OSBPL1A: variants seen among roughly 807,000 people sequenced by gnomAD.
The protein encoded by OSBPL1A is oxysterol binding protein like 1A.
OSBPL1A carries 80 observed loss-of-function variants against 137.1 expected under a neutral mutation model. The ratio of observed to expected loss-of-function variants is 0.58; its 90% CI spans 0.49 to 0.70. The LOEUF (loss-of-function observed/expected upper bound fraction) is 0.70, where lower values mean the gene tolerates loss of function less well. OSBPL1A is among the 30% of genes least tolerant of loss of function. The pLI, the probability that OSBPL1A is intolerant of heterozygous loss-of-function variation, is 0.00. For synonymous variants in OSBPL1A, 365 were observed against 389.7 expected (o/e 0.94, Z 0.75); for missense variants, 970 against 1,129.4 (o/e 0.86, Z 2.02).
intron 2 of OSBPL1A, among the ~76,000 whole-genome samples, chr18:24,368,995 G>C (rs1905395557): frequency 6.6e-6 from 1 of 152,194 alleles, no homozygotes; most frequent in South Asian, 2.1e-4. Flanking sequence ...CTCTGAAAGT[G>C]TGTGGTTGTT....
chr18:24,225,266 C>T, intron 16 of OSBPL1A, 68 bp from the exon 17 acceptor site: 1 of 1,554,678 alleles, frequency 6.4e-7, no homozygotes, highest in African/African-American at 1.4e-5. Context: ...CAATGGATCC[C>T]TCCCTTCATG....
chr18:24,235,512 A>G (rs1383891258), intron 16 of OSBPL1A, among the ~76,000 whole-genome samples: 1 of 152,126 alleles, frequency 6.6e-6, no homozygotes, highest in African/African-American at 2.4e-5. Flanking sequence ...TGAATTCAAG[A>G]TATGATTTGA....
intron 17 of OSBPL1A, among the ~76,000 whole-genome samples, chr18:24,199,157 C>T (rs748839521): frequency 4.6e-5 from 7 of 152,226 alleles, no homozygotes; most frequent in South Asian, 2.1e-4. Flanking sequence ...CCACACCTGG[C>T]CCAGGTGCCA....
intron 18 of OSBPL1A, among the ~76,000 whole-genome samples, chr18:24,187,988 G>C (rs2086793999): frequency 6.6e-6 from 1 of 152,204 alleles, no homozygotes; most frequent in Non-Finnish European, 1.5e-5. Context: ...GTACACAACA[G>C]CAGGGTGGGA....
At chr18:24,280,778 C>T (rs2089940194) in intron 15 of OSBPL1A, 64 bp downstream of exon 15, 5 of 1,143,500 alleles carry the variant, frequency 4.4e-6, no homozygotes, top group Admixed American at 5.5e-5. Flanking sequence ...GCAATGACTT[C>T]ATGGACAACC....
chr18:24,295,489 G>A (rs1000236683), intron 14 of OSBPL1A, among the ~76,000 whole-genome samples: 1 of 152,164 alleles, frequency 6.6e-6, no homozygotes, highest in African/African-American at 2.4e-5. Context: ...CTAGGCCAAT[G>A]TCCAGAAGAG....
intron 15 of OSBPL1A, among the ~76,000 whole-genome samples, chr18:24,260,532 G>A (rs1362260280): frequency 6.6e-6 from 1 of 152,172 alleles, no homozygotes; most frequent in Non-Finnish European, 1.5e-5. Flanking sequence ...TAGGCTAAGG[G>A]AGAAAGCCAG....
chr18:24,280,956 G>GA lies in OSBPL1A; in HGVS notation c.1175-9dup. The GA allele has an allele frequency of 1.9e-6, 3 of 1,564,978 alleles. No homozygotes were observed. Among genetic ancestry groups the GA allele is most frequent in the Non-Finnish European group, 1.7e-6 (2 of 1,154,504 alleles). ...GAAATGATGGAAGCATTTCTATAAA[G>GA]AAAAAAATAAATACAGTGAGTCGGA... On this transcript the variant is annotated splice_polypyrimidine_tract_variant and intron_variant, in intron 14 of 27. Transcript: ENST00000319481.
At chr18:24,209,159 A>G (rs909751269) in intron 17 of OSBPL1A, among the ~76,000 whole-genome samples, 1 of 152,254 alleles carries the variant, frequency 6.6e-6, no homozygotes, top group African/African-American at 2.4e-5. Context: ...CTACCAACTA[A>G]GAGAAAATAC....
chr18:24,190,989 AT>A (rs1202897971), intron 18 of OSBPL1A, among the ~76,000 whole-genome samples: 1 of 152,246 alleles, frequency 6.6e-6, no homozygotes, highest in Non-Finnish European at 1.5e-5. Context: ...AGATAAAAGC[AT>A]TTTATCAAAA....
rs1730126352 is a variant in OSBPL1A, at chr18:24,371,758, C to A, written c.122-3386G>T. Among the ~76,000 whole-genome samples the A allele has an allele frequency of 2.0e-5, 3 of 152,142 alleles. No individual in the cohort carries two copies. In the South Asian group the frequency reaches 6.2e-4, roughly 31 times the overall value. ...CACCCATTGCAGATGAGGCTCATCTCCCACCAGGTCATGAACACTATCTTC... is the reference window on the plus strand; with the variant it reads ...CACCCATTGCAGATGAGGCTCATCTACCACCAGGTCATGAACACTATCTTC... On this transcript the variant is annotated intron_variant, in intron 2 of 27. Coordinates refer to ENST00000319481, the MANE Select transcript of OSBPL1A (RefSeq NM_080597.4).
chr18:24,343,937 AG>A lies in OSBPL1A; in HGVS notation c.283-2280del, dbSNP rs1305513817. On this transcript the variant is annotated intron_variant, in intron 4 of 27. Coordinates refer to ENST00000319481, the MANE Select transcript of OSBPL1A (RefSeq NM_080597.4). ...TTCTTGGATATGACACCAAAAGCAC[AG>A]GCAAAAAATGAAAAACTTCATCAAA... Among the ~76,000 whole-genome samples, 7 of 152,202 alleles carry A rather than the reference AG, an allele frequency of 4.6e-5. No individual in the cohort carries two copies. The East Asian group carries it at 9.6e-4, about 21-fold the overall frequency.
intron 2 of OSBPL1A, among the ~76,000 whole-genome samples, chr18:24,370,460 GTC>G (rs1432182099): frequency 1.3e-5 from 2 of 152,082 alleles, no homozygotes; most frequent in African/African-American, 4.8e-5. Flanking sequence ...CAGCACCCTG[GTC>G]TCTCACTTTC....
At chr18:24,331,417 GAC>G (rs2091075128) in intron 7 of OSBPL1A, among the ~76,000 whole-genome samples, 1 of 123,744 alleles carries the variant, frequency 8.1e-6, no homozygotes, top group Non-Finnish European at 1.7e-5. Context: ...TTTTTTTTGA[GAC>G]AGAGTCTCGC....
At position 24,388,800 on chromosome 18, in the gene OSBPL1A, C is replaced by CAAA. The variant is rs57143270; in HGVS notation, c.-3+8852_-3+8854dup. On this transcript the variant is annotated intron_variant, in intron 1 of 27. Transcript: ENST00000319481. The stretch of plus-strand genomic sequence containing the variant: ...GGGCGACAAGAGTGAGACTCTGTCT[C>CAAA]AAAAAAAAAAAAAAAAAAAAACCAA... Among the ~76,000 whole-genome samples, 160 of 82,788 alleles carry CAAA rather than the reference C, an allele frequency of 1.9e-3. 2 individuals carry two copies. The East Asian group carries it at 0.038, about 19-fold the overall frequency. The allele number at this position is 82,788 out of a possible 152,430, so 54.3% of individuals were successfully genotyped here.
At chr18:24,293,274 G>A (rs2090220482) in intron 14 of OSBPL1A, among the ~76,000 whole-genome samples, 1 of 152,270 alleles carries the variant, frequency 6.6e-6, no homozygotes, top group Non-Finnish European at 1.5e-5. Context: ...GGAGAGGACA[G>A]TATTGCTAAG....
chr18:24,281,239 C>G (rs1302805646), intron 14 of OSBPL1A, among the ~76,000 whole-genome samples: 1 of 151,734 alleles, frequency 6.6e-6, no homozygotes, highest in Non-Finnish European at 1.5e-5. Context: ...GCGCACACCA[C>G]CACGCCCAGC....
intron 12 of OSBPL1A, 112 bp downstream of exon 12, chr18:24,314,137 T>C: frequency 1.6e-6 from 1 of 623,990 alleles, no homozygotes; most frequent in South Asian, 3.4e-5. Context: ...TTAAAAAAAT[T>C]AAAAGTACAA....
rs79987086 is a variant in OSBPL1A, at chr18:24,271,140, C to T, written c.1281+9702G>A. ...ACACAAATAGAATTTCCCTTTCTCT[C>T]CTTAATCCGCTCATGCACTTCTCGT... On this transcript the variant is annotated intron_variant, in intron 15 of 27. Transcript: ENST00000319481. This position sits in a 1 kb window ranked among gnomAD's most constrained non-coding sequence, Gnocchi z 4.0. 7.6e-3 allele frequency among the ~76,000 whole-genome samples: 1,153 copies of T among 152,352 alleles called. 18 individuals carry two copies. Among genetic ancestry groups the T allele is most frequent in the African/African-American group, 0.027 (1,112 of 41,582 alleles).
Sources: gnomAD v4.1 joint callset for allele counts (sites outside exome capture counted in the v4.1 genomes callset) on GRCh38, gnomAD v4.1.1 for gene constraint, Gnocchi (gnomAD v3.1) non-coding constraint, MANE v1.5 for transcripts, NCBI Gene and HGNC (gene_info 2026-07-23, HGNC 2026-07-21) for gene names.